CPNE5: variants seen among roughly 807,000 people sequenced by gnomAD.
CPNE5 encodes the protein copine-5.
CPNE5 carries 42 observed loss-of-function variants against 81.1 expected under a neutral mutation model. The ratio of observed to expected loss-of-function variants is 0.52; its 90% CI spans 0.40 to 0.67. The LOEUF (loss-of-function observed/expected upper bound fraction) is 0.67. Among genes scored for constraint, CPNE5 ranks in the 30% least tolerant of loss-of-function variants. The probability of loss-of-function intolerance (pLI) is 0.00; values close to 1 mark genes in which losing one functional copy is unlikely to be tolerated. For missense variants in CPNE5, 612 were observed against 815.5 expected (o/e 0.75, Z 3.04); for synonymous variants, 313 against 321.5 (o/e 0.97, Z 0.28).
At chr6:36,834,323 A>AT in intron 1 of CPNE5, among the ~76,000 whole-genome samples, 1 of 125,148 alleles carries the variant, frequency 8.0e-6, no homozygotes, top group South Asian at 3.2e-4. Flanking sequence ...AAGGAAGGAA[A>AT]GAAAAAAAAA....
At chr6:36,807,094 G>A (rs1770662511) in intron 3 of CPNE5, among the ~76,000 whole-genome samples, 1 of 152,216 alleles carries the variant, frequency 6.6e-6, no homozygotes, top group Non-Finnish European at 1.5e-5. Flanking sequence ...GTCTACACAT[G>A]CCTGCATTTT....
intron 3 of CPNE5, among the ~76,000 whole-genome samples, chr6:36,806,490 A>C (rs139832320): frequency 1.0e-3 from 158 of 152,184 alleles, no homozygotes; most frequent in African/African-American, 3.5e-3. Flanking sequence ...TCCCATCGCC[A>C]CGGCAAGCCT....
chr6:36,745,507 G>A lies in CPNE5; in HGVS notation c.1209C>T (p.Asn403=). 3 of 1,599,658 alleles carry A rather than the reference G, an allele frequency of 1.9e-6. No homozygotes were observed. Among genetic ancestry groups the A allele is most frequent in the Non-Finnish European group, 2.6e-6 (3 of 1,173,386 alleles). Residue 403 remains asparagine (N), a synonymous_variant, in exon 17 of 21, where the codon AAC becomes AAT. Transcript: ENST00000244751. ...RVSHEFPLNG[N]QENPSCCGID... ...TGCCACAGCATGAGGGGTTCTCCTG[G>A]TTGCCATTCTGGGGGACAGAGGGCA...
intron 3 of CPNE5, among the ~76,000 whole-genome samples, chr6:36,813,693 C>T (rs1301916837): frequency 6.6e-6 from 1 of 152,180 alleles, no homozygotes; most frequent in Non-Finnish European, 1.5e-5. Context: ...CTACACCAGC[C>T]TTCTTTTTGT....
chr6:36,824,914 C>A (rs975981297), intron 1 of CPNE5, among the ~76,000 whole-genome samples: 4 of 152,176 alleles, frequency 2.6e-5, no homozygotes, highest in Non-Finnish European at 5.9e-5. Flanking sequence ...CCACTGCACT[C>A]CAGCCTTTTT....
At chr6:36,775,137 A>G in intron 9 of CPNE5, 72 bp from the exon 10 acceptor site, 1 of 1,115,144 alleles carries the variant, frequency 9.0e-7, no homozygotes, top group Non-Finnish European at 1.4e-6. Context: ...TCAACAGAGG[A>G]GTCAGCTGGT....
chr6:36,768,225 C>CTTTTTTTCTTTTTTCTTTTT, intron 10 of CPNE5, among the ~76,000 whole-genome samples: 1 of 60,514 alleles, frequency 1.7e-5, no homozygotes, highest in South Asian at 6.6e-4. Flanking sequence ...ATTCACAGTT[C>CTTTTTTTCTTTTTTCTTTTT]TTTTTTTTTT....
At chr6:36,745,254 GA>G in intron 17 of CPNE5, 104 bp from the exon 18 acceptor site, 1 of 1,417,960 alleles carries the variant, frequency 7.1e-7, no homozygotes, top group Non-Finnish European at 9.7e-7. Flanking sequence ...GCTCTTGGGG[GA>G]ATCTCTTCAG....
chr6:36,779,328 G>A (rs1767816049), intron 8 of CPNE5, among the ~76,000 whole-genome samples: 2 of 152,228 alleles, frequency 1.3e-5, no homozygotes, highest in African/African-American at 4.8e-5. Flanking sequence ...ATACTTGGCA[G>A]AGTGAGGCAC....
rs1464555132 is a variant in CPNE5 at position 36,763,696 on chromosome 6, T to G, written c.780-704A>C. Among the ~76,000 whole-genome samples the G allele has an allele frequency of 2.0e-5, 3 of 152,064 alleles. No individual in the cohort carries two copies. In the East Asian group the frequency reaches 5.8e-4, roughly 29 times the overall value. On this transcript the variant is annotated intron_variant, in intron 11 of 20. Coordinates refer to ENST00000244751, the MANE Select transcript of CPNE5 (RefSeq NM_020939.2). ...GGAAAGTGCCCTTATTTTTTAGACA[T>G]TTTCAATGAAGCATTTAGAGGTAAA...
At chr6:36,777,738 G>T (rs949211899) in intron 9 of CPNE5, among the ~76,000 whole-genome samples, 2 of 126,726 alleles carry the variant, frequency 1.6e-5, no homozygotes, top group Admixed American at 8.5e-5. Context: ...CCTCCTCCTC[G>T]CTGCTCCCCT....
intron 8 of CPNE5, among the ~76,000 whole-genome samples, chr6:36,784,031 T>C (rs569406953): frequency 7.2e-5 from 11 of 152,336 alleles, no homozygotes; most frequent in African/African-American, 2.4e-4. Flanking sequence ...AAATCCATTT[T>C]AGAAAGGCCT....
rs997011255 is a variant in CPNE5, at chr6:36,831,024, C to T, written c.96-7926G>A. Reference sequence around the variant, plus strand: ...ACCCTTCATCAGTCCCTTCTCTTCACGATGACCAGAATTCTTTTTATTTTA... The same window carrying T: ...ACCCTTCATCAGTCCCTTCTCTTCATGATGACCAGAATTCTTTTTATTTTA... On this transcript the variant is annotated intron_variant, in intron 1 of 20. Transcript: ENST00000244751. Among the ~76,000 whole-genome samples the T allele has an allele frequency of 3.3e-5, 5 of 152,170 alleles. No individual in the cohort carries two copies. In the South Asian group the frequency reaches 8.3e-4, roughly 25 times the overall value.
chr6:36,750,452 G>A (rs1764685385), intron 14 of CPNE5, among the ~76,000 whole-genome samples: 1 of 152,138 alleles, frequency 6.6e-6, no homozygotes, highest in Non-Finnish European at 1.5e-5. Flanking sequence ...CTGGCTGGGG[G>A]CAGAGCATCC....
intron 3 of CPNE5, among the ~76,000 whole-genome samples, chr6:36,819,283 A>C (rs1379309749): frequency 3.3e-5 from 5 of 152,186 alleles, no homozygotes; most frequent in Non-Finnish European, 5.9e-5. Flanking sequence ...TGTTTTTAGT[A>C]GAGATGGGGT....
intron 11 of CPNE5, among the ~76,000 whole-genome samples, chr6:36,763,621 A>C (rs985243111): frequency 1.3e-5 from 2 of 148,668 alleles, no homozygotes; most frequent in African/African-American, 4.9e-5. Context: ...AAAAAAAAAA[A>C]GAATATTGTT....
At chr6:36,762,346 G>GCA (rs1228724418) in intron 12 of CPNE5, among the ~76,000 whole-genome samples, 2 of 148,394 alleles carry the variant, frequency 1.3e-5, no homozygotes, top group Non-Finnish European at 3.0e-5. Context: ...GCAAATACAT[G>GCA]CTCACACACA....
chr6:36,820,785 A>C (rs533346837), intron 3 of CPNE5, among the ~76,000 whole-genome samples: 1 of 151,904 alleles, frequency 6.6e-6, no homozygotes, highest in Non-Finnish European at 1.5e-5. Flanking sequence ...CAAAAGAAAA[A>C]AAAATTGTTT....
intron 8 of CPNE5, among the ~76,000 whole-genome samples, chr6:36,785,884 A>G (rs1768487908): frequency 6.6e-6 from 1 of 151,902 alleles, no homozygotes; most frequent in Non-Finnish European, 1.5e-5. Context: ...GTGGTGATGC[A>G]TGCCTATAAT....
Sources: gnomAD v4.1 joint callset for allele counts (sites outside exome capture counted in the v4.1 genomes callset) on GRCh38, gnomAD v4.1.1 for gene constraint, MANE v1.5 for transcripts, NCBI Gene and HGNC (gene_info 2026-07-23, HGNC 2026-07-21) for gene names.